The following DNAH17 variants were observed in gnomAD, a reference collection of about 807,000 sequenced individuals.
DNAH17 encodes the protein axonemal beta dynein heavy chain 17.
DNAH17 carries 376 observed loss-of-function variants against 485.6 expected under a neutral mutation model. That is an observed-to-expected ratio of 0.77 (90% CI 0.71 to 0.84). The LOEUF (loss-of-function observed/expected upper bound fraction) is 0.84. DNAH17 is among the 40% of genes least tolerant of loss of function. The probability of loss-of-function intolerance (pLI) is 0.00; values close to 1 mark genes in which losing one functional copy is unlikely to be tolerated. For missense variants in DNAH17, 6,370 were observed against 5,839.3 expected, an observed-to-expected ratio of 1.09 and a Z score of -2.96; for synonymous variants, 3,031 against 2,405.9, an observed-to-expected ratio of 1.26 and a Z score of -7.60.
At chr17:78,532,807 C>A in intron 19 of DNAH17, 71 bp from the exon 20 acceptor site, 1 of 1,462,932 alleles carries the variant, frequency 6.8e-7, no homozygotes, top group Non-Finnish European at 9.1e-7. Flanking sequence ...GTTGTCCTCT[C>A]GGCCTTGAGA....
At chr17:78,456,804 A>C (rs1028514355) in intron 62 of DNAH17, among the ~76,000 whole-genome samples, 46 of 152,178 alleles carry the variant, frequency 3.0e-4, no homozygotes, top group Non-Finnish European at 6.3e-4. Flanking sequence ...AATCCCTCAT[A>C]CCCGGGGCAC....
At chr17:78,445,452 G>A (rs1374893348) in intron 70 of DNAH17, 106 bp downstream of exon 70, 1 of 1,432,532 alleles carries the variant, frequency 7.0e-7, no homozygotes, top group Non-Finnish European at 9.3e-7. Context: ...CTGAATTTAT[G>A]GGCCACAGAG....
chr17:78,477,695 G>A (rs536544123), intron 51 of DNAH17, among the ~76,000 whole-genome samples: 1 of 152,302 alleles, frequency 6.6e-6, no homozygotes, highest in South Asian at 2.1e-4. Context: ...ACTTTACGTG[G>A]GAGGAGGTGG....
intron 15 of DNAH17, 33 bp downstream of exon 15, chr17:78,552,664 T>G: frequency 6.5e-7 from 1 of 1,538,612 alleles, no homozygotes; most frequent in African/African-American, 1.4e-5. Context: ...CTCCCAAGTT[T>G]AATCCAATGT....
At chr17:78,501,450 C>G in intron 34 of DNAH17, 106 bp from the exon 35 acceptor site, 1 of 1,314,452 alleles carries the variant, frequency 7.6e-7, no homozygotes, top group Non-Finnish European at 1.0e-6. Context: ...GCCCAGGGAA[C>G]CCTCCCTGGC....
chr17:78,485,893 T>C, intron 46 of DNAH17, 67 bp downstream of exon 46: 11 of 1,582,098 alleles, frequency 7.0e-6, no homozygotes, highest in Non-Finnish European at 9.5e-6. Context: ...TGCAGGCGTG[T>C]GGAGGGTACT....
At chr17:78,490,953 G>A (rs1195156259) in intron 43 of DNAH17, 106 bp from the exon 44 acceptor site, 10 of 1,371,726 alleles carry the variant, frequency 7.3e-6, no homozygotes, top group Admixed American at 2.6e-5. Context: ...AAGGAGGAGG[G>A]GCCCAGGCCA....
Position 78,532,738 on chromosome 17 carries a change from T to C in DNAH17, c.2860-2A>G. The C allele has an allele frequency of 6.3e-7, 1 of 1,590,504 alleles. No individual in the cohort carries two copies. Among genetic ancestry groups the C allele is most frequent in the Non-Finnish European group, 8.6e-7 (1 of 1,166,802 alleles). ...GTCTGTGTTATCTTCCAGGTCCATC[T>C]GAAAGGGGCAGGGGAGAAGCAAAAA... On this transcript the variant is annotated splice_acceptor_variant, in intron 19 of 80. Transcript: ENST00000389840. LOFTEE classifies it high-confidence loss of function.
chr17:78,572,224 G>A (rs2092368820), intron 3 of DNAH17, among the ~76,000 whole-genome samples: 1 of 150,254 alleles, frequency 6.7e-6, no homozygotes, highest in Admixed American at 6.7e-5. Flanking sequence ...GGCAAGGCAG[G>A]TGCGAGGGGA....
chr17:78,507,445 G>A lies in DNAH17; in HGVS notation c.4584+13C>T, dbSNP rs9894913. 481,430 of 1,612,768 alleles carry A rather than the reference G, an allele frequency of 0.3. 74,223 individuals carry two copies. Among genetic ancestry groups the A allele is most frequent in the African/African-American group, 0.39 (28,858 of 74,938 alleles). On this transcript the variant is annotated intron_variant, in intron 28 of 80. Transcript: ENST00000389840. ...ATTTCTGAAGTGCGTGGGAACCACC[G>A]GGCTGTGCTCACCTTGAATTCCTGG...
At chr17:78,487,409 G>A (rs2089659695) in intron 44 of DNAH17, among the ~76,000 whole-genome samples, 1 of 152,200 alleles carries the variant, frequency 6.6e-6, no homozygotes, top group African/African-American at 2.4e-5. Flanking sequence ...TGGCCCCCTC[G>A]AGTGCCAGTG....
At position 78,434,102 on chromosome 17, in the gene DNAH17, G is replaced by A. The variant is rs767705562; in HGVS notation, c.12152C>T (p.Ser4051Leu). 43 of 1,613,518 alleles carry A rather than the reference G, an allele frequency of 2.7e-5. No individual in the cohort carries two copies. In the South Asian group the frequency reaches 2.9e-4, roughly 11 times the overall value. ...RKFGAQGWNRSYPFNNGDLTI... is the reference protein window; with the variant it reads ...RKFGAQGWNRLYPFNNGDLTI... ...GAGGTCCCCGTTGTTGAAGGGGTAC[G>A]ACCGGTTCCAGCCCTGGGCGCCGAA... The change falls in exon 75 of 81, where the codon TCG becomes TTG. Residue 4051 changes from serine to leucine, a missense_variant. Coordinates refer to ENST00000389840, the MANE Select transcript of DNAH17 (RefSeq NM_173628.4).
At chr17:78,439,319 G>A in intron 72 of DNAH17, 102 bp from the exon 73 acceptor site, 1 of 1,363,362 alleles carries the variant, frequency 7.3e-7, no homozygotes. Context: ...CCCTCATTTA[G>A]TTTCGGTGGT....
At chr17:78,461,069 A>G (rs1598488732) in intron 58 of DNAH17, among the ~76,000 whole-genome samples, 1 of 149,418 alleles carries the variant, frequency 6.7e-6, no homozygotes, top group Non-Finnish European at 1.5e-5. Context: ...AACCTCAGCC[A>G]CCCCCAACCA....
At chr17:78,532,270 C>G (rs544568182) in intron 20 of DNAH17, among the ~76,000 whole-genome samples, 12 of 152,316 alleles carry the variant, frequency 7.9e-5, no homozygotes, top group African/African-American at 2.9e-4. Flanking sequence ...TGATGCTACC[C>G]CGTGCAGGCC....
chr17:78,473,663 A>G, intron 54 of DNAH17, among the ~76,000 whole-genome samples: 1 of 151,178 alleles, frequency 6.6e-6, no homozygotes, highest in Admixed American at 6.6e-5. Context: ...TGAATAAAAT[A>G]GTACCGCTGA....
chr17:78,534,008 T>A (rs939154887), intron 19 of DNAH17, among the ~76,000 whole-genome samples: 1 of 152,020 alleles, frequency 6.6e-6, no homozygotes, highest in African/African-American at 2.4e-5. Context: ...CTTAAAAAAA[T>A]AAAATAAAAA....
Position 78,501,776 on chromosome 17 carries a change from G to A in DNAH17, c.5288C>T (p.Ala1763Val), listed in dbSNP as rs1237983662. 3 of 1,613,898 alleles carry A rather than the reference G, an allele frequency of 1.9e-6. No homozygotes were observed. The South Asian group carries it at 3.3e-5, about 18-fold the overall frequency. Residue 1763 changes from alanine to valine, a missense_variant, in exon 34 of 81, where the codon GCA (alanine) becomes GTA (valine). By Grantham distance (64) the Ala-to-Val change is moderately conservative (BLOSUM62 0). Transcript: ENST00000389840. ...GATCATTTTGGCCACCACGTCCCGT[G>A]CGTGCACATCGATGGTGCAGATGGT... The part of the protein sequence containing the change: ...IMTICTIDVH[A>V]RDVVAKMIVA...
Position 78,461,631 on chromosome 17 carries a change from G to A in DNAH17, c.9252C>T (p.Ile3084=). The part of the protein sequence containing the change: ...KQKNESADQL[I]QVVGIEAEKV... ...TCTCGGCCTCGATGCCGACCACCTG[G>A]ATCAGTTGGTCTGCGCTCTCATTCT... Residue 3084 remains isoleucine, a synonymous_variant, in exon 58 of 81, where the codon ATC becomes ATT. Coordinates refer to ENST00000389840, the MANE Select transcript of DNAH17 (RefSeq NM_173628.4). The A allele has an allele frequency of 6.2e-7, 1 of 1,611,348 alleles. No individual in the cohort carries two copies. The highest frequency in any genetic ancestry group is 8.5e-7 in the Non-Finnish European group (1 of 1,179,062).
Sources: allele counts gnomAD v4.1 joint callset (sites outside exome capture counted in the v4.1 genomes callset), GRCh38; gene constraint gnomAD v4.1.1; transcripts MANE v1.5; gene names NCBI Gene and HGNC (gene_info 2026-07-23, HGNC 2026-07-21).